The following SPAG9 variants were observed in gnomAD, a reference collection of about 807,000 sequenced individuals.
SPAG9 encodes the protein sperm associated antigen 9.
In SPAG9, 35 loss-of-function variants were observed where a neutral mutation model predicts 166.5. The ratio of observed to expected loss-of-function variants is 0.21; its 90% confidence interval spans 0.16 to 0.28. The LOEUF (loss-of-function observed/expected upper bound fraction) is 0.28, where lower values mean the gene tolerates loss of function less well. Among genes scored for constraint, SPAG9 ranks in the 10% least tolerant of loss-of-function variants. The pLI is 1.00. For synonymous variants in SPAG9, 534 were observed against 565.5 expected, an observed-to-expected ratio of 0.94 and a Z score of 0.79; for missense variants, 1,235 against 1,603.3, an observed-to-expected ratio of 0.77 and a Z score of 3.92.
chr17:51,007,916 A>G (rs2045295475), intron 9 of SPAG9: 4 of 424,606 alleles, frequency 9.4e-6, no homozygotes, highest in Admixed American at 2.8e-5. Flanking sequence ...CGTAAGAAAC[A>G]GCATGAAAAC....
In SPAG9 at chr17:51,006,232, G is replaced by A; in HGVS notation, c.1277C>T (p.Ala426Val). 1 of 1,613,380 alleles carries A rather than the reference G, an allele frequency of 6.2e-7. No homozygotes were observed. Among genetic ancestry groups the A allele is most frequent in the Non-Finnish European group, 8.5e-7 (1 of 1,179,678 alleles). ...CAAATCATTCTTCACTATGTTCAAA[G>A]CATTTCTAAGAAACACATATTTCAA... is the stretch of plus-strand genomic sequence containing the variant. ...ENTQLLETKN[A>V]LNIVKNDLIA... Residue 426 changes from alanine (A) to valine (V), a missense_variant, in exon 11 of 30, where the codon GCT (alanine) becomes GTT (valine). Around this residue, in one of 6 missense-constraint regions of SPAG9, gnomAD observed 125 missense variants for 194.0 expected, o/e 0.64. Transcript: ENST00000262013.
intron 19 of SPAG9, among the ~76,000 whole-genome samples, chr17:50,993,056 A>C (rs28642026): frequency 0.018 from 2,617 of 148,756 alleles, 35 homozygotes; most frequent in Middle Eastern, 0.046. Flanking sequence ...AGACGGTGCC[A>C]CTGCACTCCA....
At chr17:51,018,962 A>G (rs2045817873) in intron 8 of SPAG9, among the ~76,000 whole-genome samples, 1 of 152,204 alleles carries the variant, frequency 6.6e-6, no homozygotes, top group Non-Finnish European at 1.5e-5. Flanking sequence ...TGTCCCCTAT[A>G]AAATTCAGCT....
At position 51,001,696 on chromosome 17, in the gene SPAG9, G is replaced by C. The variant is rs543447094; in HGVS notation, c.1607+19C>G. On this transcript the variant is annotated intron_variant, in intron 13 of 29. Transcript: ENST00000262013. ...ACAAAATAATAGTAGGAAAATAATG[G>C]AGCGCTTGTCATACAAACCGAATCA... The C allele has an allele frequency of 6.3e-7, 1 of 1,597,898 alleles. No individual in the cohort carries two copies. The highest frequency in any genetic ancestry group is 1.8e-5 in the Admixed American group (1 of 54,284).
At chr17:50,992,040 T>C (rs1164967233) in intron 19 of SPAG9, among the ~76,000 whole-genome samples, 1 of 149,932 alleles carries the variant, frequency 6.7e-6, no homozygotes, top group Non-Finnish European at 1.5e-5. Flanking sequence ...CCGACTCAAG[T>C]TATCCTCCCG....
chr17:50,997,122 G>C (rs1425890385), intron 15 of SPAG9, among the ~76,000 whole-genome samples: 4 of 150,990 alleles, frequency 2.6e-5, no homozygotes, highest in African/African-American at 9.7e-5. Flanking sequence ...GGGGACAAGA[G>C]CAAAACTCCA....
intron 1 of SPAG9, among the ~76,000 whole-genome samples, chr17:51,112,690 A>C (rs905127114): frequency 2.3e-4 from 33 of 145,320 alleles, no homozygotes; most frequent in Non-Finnish European, 4.6e-4. Context: ...AAAAAAAAAA[A>C]AAAAAAAAAC....
At chr17:51,030,376 T>A (rs1037552447) in intron 6 of SPAG9, among the ~76,000 whole-genome samples, 2 of 152,158 alleles carry the variant, frequency 1.3e-5, no homozygotes, top group African/African-American at 4.8e-5. Flanking sequence ...TCTCTTAGAT[T>A]TGAGGGTTTT....
chr17:51,119,059 T>G (rs1406248351), intron 1 of SPAG9, among the ~76,000 whole-genome samples: 1 of 144,910 alleles, frequency 6.9e-6, no homozygotes, highest in Non-Finnish European at 1.5e-5. Context: ...AAAAGGCAAT[T>G]TTGTTTGGCA....
At chr17:51,050,818 C>T (rs995333521) in intron 3 of SPAG9, among the ~76,000 whole-genome samples, 8 of 151,648 alleles carry the variant, frequency 5.3e-5, no homozygotes, top group Admixed American at 2.0e-4. Flanking sequence ...ATAATCTATT[C>T]TTGGGTCCAC....
intron 8 of SPAG9, 23 bp downstream of exon 8, chr17:51,020,136 T>C (rs2045884368): frequency 1.4e-6 from 2 of 1,466,208 alleles, no homozygotes; most frequent in African/African-American, 2.8e-5. Flanking sequence ...GCAGAATATG[T>C]CTTCATCTAA....
In SPAG9 at chr17:51,120,447, C is replaced by T. The variant is rs1166452103; in HGVS notation, c.210G>A (p.Glu70=). 5 of 1,613,686 alleles carry T rather than the reference C, an allele frequency of 3.1e-6. No individual in the cohort carries two copies. In the South Asian group the frequency reaches 4.4e-5, roughly 14 times the overall value. ...GCAGCAGCTCCAGCTCCACCTGGTG[C>T]TCCTGGTCCTGCGCGAACACCGAGT... ...NLDSVFAQDQ[E]HQVELELLRD... Residue 70 remains glutamate (E), a synonymous_variant, in exon 1 of 30, where the codon GAG becomes GAA. Coordinates refer to ENST00000262013, the MANE Select transcript of SPAG9 (RefSeq NM_001130528.3). The surrounding 1 kb of genome is among the most constrained non-coding windows in gnomAD (Gnocchi z 4.7).
chr17:50,979,388 A>G (rs1974428911), intron 26 of SPAG9, among the ~76,000 whole-genome samples: 1 of 151,462 alleles, frequency 6.6e-6, no homozygotes, highest in African/African-American at 2.4e-5. Flanking sequence ...AAGAAAAAAA[A>G]AAAAAAAAAA....
chr17:51,014,375 A>G, intron 8 of SPAG9, 22 bp from the exon 9 acceptor site: 2 of 1,589,676 alleles, frequency 1.3e-6, no homozygotes, highest in Non-Finnish European at 8.6e-7. Context: ...GAACAACAAA[A>G]CCAAATCAAC....
intron 5 of SPAG9, among the ~76,000 whole-genome samples, chr17:51,038,469 C>T (rs2046706618): frequency 1.3e-5 from 2 of 152,094 alleles, no homozygotes; most frequent in South Asian, 2.1e-4. Context: ...TATATAAATG[C>T]TACTAAAAGG....
chr17:51,053,854 A>AAAAATATATATATATATAT (rs1491529465), intron 3 of SPAG9, among the ~76,000 whole-genome samples: 1 of 34,452 alleles, frequency 2.9e-5, no homozygotes, highest in Non-Finnish European at 4.6e-5. Flanking sequence ...AAAAAAAAAA[A>AAAAATATATATATATATAT]GTATATATAT....
chr17:50,996,489 G>T (rs2044685720), intron 16 of SPAG9, 76 bp downstream of exon 16: 3 of 1,546,016 alleles, frequency 1.9e-6, no homozygotes, highest in African/African-American at 1.4e-5. Context: ...TGCGTACAGT[G>T]AATCCTTCAT....
At chr17:51,117,690 C>CA (rs1363968145) in intron 1 of SPAG9, among the ~76,000 whole-genome samples, 1 of 103,230 alleles carries the variant, frequency 9.7e-6, no homozygotes, top group Non-Finnish European at 1.8e-5. Flanking sequence ...GCCTGGGTGA[C>CA]AGAGCAAGAC....
intron 2 of SPAG9, among the ~76,000 whole-genome samples, chr17:51,057,515 T>C (rs969514414): frequency 3.3e-5 from 5 of 152,214 alleles, no homozygotes; most frequent in Non-Finnish European, 7.3e-5. Context: ...TGACAGCAGA[T>C]AAATGAATGT....
Sources: gnomAD v4.1 joint callset for allele counts (sites outside exome capture counted in the v4.1 genomes callset) on GRCh38, gnomAD v4.1.1 for gene constraint, gnomAD v4.1.1 regional missense constraint, Gnocchi (gnomAD v3.1) non-coding constraint, MANE v1.5 for transcripts, NCBI Gene and HGNC (gene_info 2026-07-23, HGNC 2026-07-21) for gene names.